AMOTL2: variants seen among roughly 807,000 people sequenced by gnomAD.
The protein encoded by AMOTL2 is angiomotin-like protein 2.
Under a neutral mutation model 78.4 loss-of-function variants are expected in AMOTL2, and 33 were observed. The ratio of observed to expected loss-of-function variants is 0.42; its 90% CI spans 0.32 to 0.56. AMOTL2 has a LOEUF of 0.56. Ranked by LOEUF, AMOTL2 falls within the 20% of genes least tolerant of loss-of-function variation. AMOTL2 has a pLI of 0.12. For missense variants in AMOTL2, 983 were observed against 1,030.1 expected (o/e 0.95, Z 0.63); for synonymous variants, 422 against 428.8 (o/e 0.98, Z 0.20).
chr3:134,369,074 T>G (rs2017736823), intron 2 of AMOTL2, among the ~76,000 whole-genome samples: 1 of 152,214 alleles, frequency 6.6e-6, no homozygotes, highest in Non-Finnish European at 1.5e-5. Flanking sequence ...CCCCCTGCTC[T>G]TCTCAGGACC....
chr3:134,358,578 A>G lies in AMOTL2; in HGVS notation c.2246T>C (p.Leu749Pro). The change falls in exon 9 of 10, where the codon CTT (leucine) becomes CCT (proline). Residue 749 changes from leucine (L) to proline (P), a missense_variant. Physicochemically the swap from Leu to Pro is moderately conservative, Grantham distance 98 (BLOSUM62 -3). Transcript: ENST00000249883. ...TCTCTGGCTACTGCTGCACCCCAGA[A>G]GGCTGTCAGGCTCCGGTGGCAGGCA... Reference protein sequence around the residue: ...STCLPPEPDSLLGCSSSQRAA... With the variant: ...STCLPPEPDSPLGCSSSQRAA... 6.2e-7 allele frequency: 1 copy of G among 1,614,162 alleles called. No individual in the cohort carries two copies.
chr3:134,375,314 G>T, upstream of AMOTL2: 1 of 1,356,532 alleles, frequency 7.4e-7, no homozygotes, highest in Non-Finnish European at 1.0e-6. Flanking sequence ...ATTCAGCCCT[G>T]CCAAGCACCC....
chr3:134,373,787 C>G (rs1364421570), intron 1 of AMOTL2: 5 of 985,478 alleles, frequency 5.1e-6, no homozygotes, highest in Non-Finnish European at 4.8e-6. Flanking sequence ...CCCTCCCTCT[C>G]GAGCCCTCTT....
rs1484186449 is a variant in AMOTL2, at chr3:134,370,929, T to A, written c.505A>T (p.Arg169Trp). ...SERLLQLSLERNGARAPSHMS... is the reference protein window; with the variant it reads ...SERLLQLSLEWNGARAPSHMS... The stretch of plus-strand genomic sequence containing the variant: ...TGGCTGGGGGCCCGGGCGCCGTTCC[T>A]CTCCAGGGACAACTGAAGGAGCCGT... The change falls in exon 2 of 10, where the codon AGG becomes TGG. Residue 169 changes from arginine (R) to tryptophan (W), a missense_variant. Arg to Trp is a moderately radical substitution (Grantham distance 101). Coordinates refer to ENST00000249883, the MANE Select transcript of AMOTL2 (RefSeq NM_016201.4). The A allele has an allele frequency of 2.5e-6, 4 of 1,612,072 alleles. No homozygotes were observed. Among genetic ancestry groups the A allele is most frequent in the Non-Finnish European group, 3.4e-6 (4 of 1,179,404 alleles).
chr3:134,374,328 G>C lies in AMOTL2; in HGVS notation c.-62+14C>G. Reference sequence around the variant, plus strand: ...CCTCGCGCGCTCTCCCGAGCGCCGAGCGGCCTTCCTTACCGCTGCGGCCCG... The same window carrying C: ...CCTCGCGCGCTCTCCCGAGCGCCGACCGGCCTTCCTTACCGCTGCGGCCCG... On this transcript the variant is annotated intron_variant, in intron 1 of 9. Transcript: ENST00000249883. 1 of 985,286 alleles carries C rather than the reference G, an allele frequency of 1.0e-6. No homozygotes were observed. The highest frequency in any genetic ancestry group is 1.7e-5 in the African/African-American group (1 of 57,346). The allele number at this position is 985,286 out of a possible 1,614,324, so 61.0% of individuals were successfully genotyped here. A position where few individuals can be genotyped will look rare whatever the true frequency, so the allele number is the denominator to read the frequency against.
rs2017197909 is a variant in AMOTL2 at position 134,358,705 on chromosome 3, T to C, written c.2119A>G (p.Thr707Ala). The change falls in exon 9 of 10, where the codon ACA (threonine) becomes GCA (alanine). Residue 707 changes from threonine to alanine, a missense_variant. Thr to Ala is a moderately conservative substitution (Grantham distance 58). Transcript: ENST00000249883. ...ARLTTADRAP[T>A]EEPVVTAPPA... ...GGAGCTGTGACCACTGGCTCCTCTG[T>C]GGGTGCTCTGTCTGCTGGAAAGGTA... 3 of 1,613,998 alleles carry C rather than the reference T, an allele frequency of 1.9e-6. No individual in the cohort carries two copies. The highest frequency in any genetic ancestry group is 2.5e-6 in the Non-Finnish European group (3 of 1,180,044).
Position 134,365,843 on chromosome 3 carries a change from T to A in AMOTL2, c.1253A>T (p.Asp418Val), listed in dbSNP as rs199696040. Residue 418 changes from aspartate (D) to valine (V), a missense_variant, in exon 5 of 10, where the codon GAC (aspartate) becomes GTC (valine). Transcript: ENST00000249883. The part of the protein sequence containing the change: ...KTQEAQAGSQ[D>V]MVAKLLAQSY... ...CTGAGCAAGCAGCTTGGCCACCATG[T>A]CCTGACTGCCGGCCTGGGCCTCCTG... 2 of 1,614,194 alleles carry A rather than the reference T, an allele frequency of 1.2e-6. No homozygotes were observed. Among genetic ancestry groups the A allele is most frequent in the Non-Finnish European group, 1.7e-6 (2 of 1,180,032 alleles).
Position 134,357,652 on chromosome 3 carries a change from C to T in AMOTL2, c.*53G>A. ...GGGCTGCTGAAATGGCTGAGAGTGG[C>T]ACAGGGCAGAGGAGGGGAGAGAATG... On this transcript the variant is annotated 3_prime_UTR_variant, in exon 10 of 10. Coordinates refer to ENST00000249883, the MANE Select transcript of AMOTL2 (RefSeq NM_016201.4). The T allele has an allele frequency of 6.3e-7, 1 of 1,578,632 alleles. No homozygotes were observed.
chr3:134,362,938 A>C (rs931572040), intron 5 of AMOTL2, among the ~76,000 whole-genome samples: 4 of 152,192 alleles, frequency 2.6e-5, no homozygotes, highest in Non-Finnish European at 5.9e-5. Context: ...ATTCAGTGGA[A>C]TTTTCTGCCA....
intron 7 of AMOTL2, 103 bp downstream of exon 7, chr3:134,360,003 C>T (rs960451622): frequency 2.0e-5 from 26 of 1,297,510 alleles, no homozygotes; most frequent in African/African-American, 1.9e-4. Flanking sequence ...CTGCTGAGCT[C>T]TATGGGGAAA....
At chr3:134,371,837 A>C in intron 1 of AMOTL2, 1 of 249,032 alleles carries the variant, frequency 4.0e-6, no homozygotes, top group Non-Finnish European at 7.8e-6. Flanking sequence ...ATGGAGACTT[A>C]CTATTCCTGG....
rs528152583 is a variant in AMOTL2, at chr3:134,357,086, G to T, written c.*619C>A. 1 of 154,770 alleles carries T rather than the reference G, an allele frequency of 6.5e-6. No homozygotes were observed. The highest frequency in any genetic ancestry group is 1.9e-4 in the East Asian group (1 of 5,248). The allele number at this position is 154,770 out of a possible 1,614,324, so 9.6% of individuals were successfully genotyped here. On this transcript the variant is annotated 3_prime_UTR_variant, in exon 10 of 10. Transcript: ENST00000249883. ...TATACAAACTGCGCACTGTCTCCCA[G>T]TCCACTTAAATGGCCCCTCACCCAC...
Position 134,359,441 on chromosome 3 carries a change from C to A in AMOTL2, c.1946G>T (p.Arg649Leu). The change falls in exon 8 of 10, where the codon CGC (arginine) becomes CTC (leucine). Residue 649 changes from arginine to leucine, a missense_variant. By Grantham distance (102) the Arg-to-Leu change is moderately radical. Transcript: ENST00000249883. ...KDAVIKVLQQRSRRDPGKAIQ... is the reference protein window; with the variant it reads ...KDAVIKVLQQLSRRDPGKAIQ... Reference sequence around the variant, plus strand: ...GGCCTTGCCAGGGTCTCTCCTGGAGCGCTGCTGAAGGACCTTGATCACTGC... The same window carrying A: ...GGCCTTGCCAGGGTCTCTCCTGGAGAGCTGCTGAAGGACCTTGATCACTGC... 1.2e-6 allele frequency: 2 copies of A among 1,614,172 alleles called. No homozygotes were observed. Among genetic ancestry groups the A allele is most frequent in the South Asian group, 1.1e-5 (1 of 91,070 alleles).
At chr3:134,360,762 G>T (rs1030018074) in intron 6 of AMOTL2, among the ~76,000 whole-genome samples, 2 of 152,202 alleles carry the variant, frequency 1.3e-5, no homozygotes, top group Non-Finnish European at 2.9e-5. Context: ...TGGGAGTGGA[G>T]AAATAACTCT....
Position 134,356,550 on chromosome 3 carries a change from G to A in AMOTL2, c.*1155C>T, listed in dbSNP as rs116551572. The A allele has an allele frequency of 3.9e-5, 6 of 152,730 alleles. No individual in the cohort carries two copies. Among genetic ancestry groups the A allele is most frequent in the African/African-American group, 1.4e-4 (6 of 41,556 alleles). The allele number at this position is 152,730 out of a possible 1,614,324, so 9.5% of individuals were successfully genotyped here. Reference sequence around the variant, plus strand: ...CCTCCTGGGCACTGTTTTGTGATGGGGGCTCCATTCAGAGGACTATTTGAC... The same window carrying A: ...CCTCCTGGGCACTGTTTTGTGATGGAGGCTCCATTCAGAGGACTATTTGAC... On this transcript the variant is annotated 3_prime_UTR_variant, in exon 10 of 10. Coordinates refer to ENST00000249883, the MANE Select transcript of AMOTL2 (RefSeq NM_016201.4).
intron 8 of AMOTL2, among the ~76,000 whole-genome samples, chr3:134,359,012 G>A (rs1375414068): frequency 6.6e-6 from 1 of 152,178 alleles, no homozygotes. Flanking sequence ...AGGTGTATCT[G>A]CACAGGAAGC....
In AMOTL2 at chr3:134,367,454, G is replaced by A. The variant is rs199824240; in HGVS notation, c.1041+43C>T. 399 of 1,595,696 alleles carry A rather than the reference G, an allele frequency of 2.5e-4. 5 individuals carry two copies. In the African/African-American group the frequency reaches 4.8e-3, roughly 19 times the overall value. ...CCCACTCCCCAGGTAGCCCCTCGGG[G>A]TCTCTTTCTGGTCTGCCCTTCTGAA... On this transcript the variant is annotated intron_variant, in intron 3 of 9. Coordinates refer to ENST00000249883, the MANE Select transcript of AMOTL2 (RefSeq NM_016201.4).
Position 134,372,297 on chromosome 3 carries a change from A to T in AMOTL2, c.-61-803T>A, listed in dbSNP as rs141520142. 1.1e-4 allele frequency among the ~76,000 whole-genome samples: 17 copies of T among 152,288 alleles called. No individual in the cohort carries two copies. The East Asian group carries it at 3.3e-3, about 29-fold the overall frequency. ...ATCTGGGGCTCCCTGTCATGGGATGACCTTGGCAGTCATTCTGCAAGGTGA... is the reference window on the plus strand; with the variant it reads ...ATCTGGGGCTCCCTGTCATGGGATGTCCTTGGCAGTCATTCTGCAAGGTGA... On this transcript the variant is annotated intron_variant, in intron 1 of 9. Coordinates refer to ENST00000249883, the MANE Select transcript of AMOTL2 (RefSeq NM_016201.4).
At chr3:134,374,181 C>A (rs1293710618) in intron 1 of AMOTL2, 161 bp downstream of exon 1, 2 of 946,500 alleles carry the variant, frequency 2.1e-6, no homozygotes, top group Non-Finnish European at 2.5e-6. Context: ...CCTTGCCAGG[C>A]ACTGCGGCTG....
Sources: allele counts gnomAD v4.1 joint callset (sites outside exome capture counted in the v4.1 genomes callset), GRCh38; gene constraint gnomAD v4.1.1; transcripts MANE v1.5; gene names NCBI Gene and HGNC (gene_info 2026-07-23, HGNC 2026-07-21).